Variants in SRPRA observed in about 807,000 individuals in gnomAD.
SRPRA encodes signal recognition particle receptor subunit alpha.
In SRPRA, 30 loss-of-function variants were observed where a neutral mutation model predicts 61.1. The ratio of observed to expected loss-of-function variants is 0.49; its 90% CI spans 0.37 to 0.67. The LOEUF is 0.67. SRPRA is among the 30% of genes least tolerant of loss of function. SRPRA has a pLI of 0.00. For missense variants in SRPRA, 759 were observed against 828.4 expected, an observed-to-expected ratio of 0.92 and a Z score of 1.03; for synonymous variants, 324 against 299.7, an observed-to-expected ratio of 1.08 and a Z score of -0.84.
the SRPRA span, chr11:126,240,884 C>G: frequency 4.3e-6 from 7 of 1,614,180 alleles, no homozygotes; most frequent in Non-Finnish European, 5.9e-6. Context: ...CCCCAAGTTC[C>G]AGCCCTCAAA....
the SRPRA span, among the ~76,000 whole-genome samples, chr11:126,236,788 A>G: frequency 6.9e-6 from 1 of 144,272 alleles, no homozygotes; most frequent in African/African-American, 2.6e-5. Flanking sequence ...CGTTTTCTTA[A>G]ATTTAGCTTT....
At chr11:126,240,606 A>G in the SRPRA span, among the ~76,000 whole-genome samples, 5 of 152,290 alleles carry the variant, frequency 3.3e-5, no homozygotes, top group South Asian at 1.0e-3. Context: ...CTTGTTTTTC[A>G]GCAAGCACTG....
At chr11:126,242,015 A>G in the SRPRA span, among the ~76,000 whole-genome samples, 1 of 109,592 alleles carries the variant, frequency 9.1e-6, no homozygotes, top group Non-Finnish European at 1.8e-5. Flanking sequence ...ACAGAGGAAG[A>G]CTCCGTCTCA....
Position 126,265,967 on chromosome 11 carries a change from G to A in SRPRA, c.1047C>T (p.Leu349=), listed in dbSNP as rs777826301. ...ESVLDKMRDH[L]IAKNVAADIA... ...AGCCCGGTCCTCAGAACTTACCAAT[G>A]AGATGATCACGCATCTTGTCCAGCA... Residue 349 remains leucine, a synonymous_variant, in exon 8 of 14, where the codon CTC becomes CTT. Coordinates refer to ENST00000332118, the MANE Select transcript of SRPRA (RefSeq NM_003139.4). The surrounding 1 kb of genome is among the most constrained non-coding windows in gnomAD (Gnocchi z 6.3). 4 of 1,614,084 alleles carry A rather than the reference G, an allele frequency of 2.5e-6. No individual in the cohort carries two copies. The highest frequency in any genetic ancestry group is 2.2e-5 in the East Asian group (1 of 44,884).
rs758568093 is a variant in SRPRA, at chr11:126,265,729, G to T, written c.1138+8C>A. The T allele has an allele frequency of 6.2e-7, 1 of 1,614,084 alleles. No individual in the cohort carries two copies. Among genetic ancestry groups the T allele is most frequent in the Non-Finnish European group, 8.5e-7 (1 of 1,179,940 alleles). On this transcript the variant is annotated splice_region_variant and intron_variant, in intron 9 of 13. Coordinates refer to ENST00000332118, the MANE Select transcript of SRPRA (RefSeq NM_003139.4). The surrounding 1 kb of genome is among the most constrained non-coding windows in gnomAD (Gnocchi z 6.3). ...CATAAGCACTTTCTCACTTAGGTAAGTACTTACTGCTGAACGTCCCCATCA... is the reference window on the plus strand; with the variant it reads ...CATAAGCACTTTCTCACTTAGGTAATTACTTACTGCTGAACGTCCCCATCA...
In SRPRA at chr11:126,264,314, G is replaced by GT. The variant is rs1950762637; in HGVS notation, c.1690-26dup. 4 of 1,613,476 alleles carry GT rather than the reference G, an allele frequency of 2.5e-6. No homozygotes were observed. Among genetic ancestry groups the GT allele is most frequent in the African/African-American group, 1.3e-5 (1 of 74,906 alleles). On this transcript the variant is annotated intron_variant, in intron 12 of 13. Transcript: ENST00000332118. The surrounding 1 kb of genome is among the most constrained non-coding windows in gnomAD (Gnocchi z 5.0). ...CCTGGAAAGAAAAAGTGATAGAAGT[G>GT]TAAGAACCATCTAAATTGACCAAAG...
At chr11:126,266,421 T>A (rs980302565) in intron 6 of SRPRA, 55 bp downstream of exon 6, 1 of 1,601,118 alleles carries the variant, frequency 6.2e-7, no homozygotes, top group Non-Finnish European at 8.5e-7. Flanking sequence ...GTTCCCACAC[T>A]CTACTTCCTC....
intron 6 of SRPRA, 67 bp from the exon 7 acceptor site, chr11:126,266,345 G>A (rs1304395331): frequency 1.9e-6 from 3 of 1,592,190 alleles, no homozygotes; most frequent in Non-Finnish European, 2.6e-6. Context: ...CGTCCACATT[G>A]CTCTATCTCT....
In SRPRA at chr11:126,265,785, C is replaced by T; in HGVS notation, c.1090G>A (p.Glu364Lys). Residue 364 changes from glutamate (E) to lysine (K), a missense_variant, in exon 9 of 14, where the codon GAA becomes AAA. Glu to Lys is a moderately conservative substitution (Grantham distance 56, BLOSUM62 1). Transcript: ENST00000332118. The surrounding 1 kb of genome is among the most constrained non-coding windows in gnomAD (Gnocchi z 6.3). ...VAADIAVQLC[E>K]SVANKLEGKV... The stretch of plus-strand genomic sequence containing the variant: ...CCTTCCAACTTGTTGGCAACAGATT[C>T]ACAGAGCTGGACGGCAATGTCTGCA... 1 of 1,614,214 alleles carries T rather than the reference C, an allele frequency of 6.2e-7. No homozygotes were observed. The highest frequency in any genetic ancestry group is 1.3e-5 in the African/African-American group (1 of 75,058).
At chr11:126,268,112 T>G (rs752199368) in intron 1 of SRPRA, 26 bp from the exon 2 acceptor site, 1 of 1,609,166 alleles carries the variant, frequency 6.2e-7, no homozygotes, top group African/African-American at 1.3e-5. Flanking sequence ...GTCTCAGTGT[T>G]CAGACTATCC....
rs544689113 is a variant in SRPRA, at chr11:126,267,785, C to T, written c.202-73G>A. 4 of 1,587,626 alleles carry T rather than the reference C, an allele frequency of 2.5e-6. No homozygotes were observed. The South Asian group carries it at 4.5e-5, about 18-fold the overall frequency. On this transcript the variant is annotated intron_variant, in intron 2 of 13. Coordinates refer to ENST00000332118, the MANE Select transcript of SRPRA (RefSeq NM_003139.4). The surrounding 1 kb of genome is among the most constrained non-coding windows in gnomAD (Gnocchi z 4.2). The stretch of plus-strand genomic sequence containing the variant: ...AGAATGGAGGGACGCCAACTCAACC[C>T]TGGCTTTCAGAGATAGGTTCAGCTA...
Position 126,264,183 on chromosome 11 carries a change from A to T in SRPRA, c.1788+8T>A, listed in dbSNP as rs747139184. ...GACGCCCATTCCAGCCTCCAGTCTCACGTTTACCTTGTCATCAATGGTATC... is the reference window on the plus strand; with the variant it reads ...GACGCCCATTCCAGCCTCCAGTCTCTCGTTTACCTTGTCATCAATGGTATC... On this transcript the variant is annotated splice_region_variant and intron_variant, in intron 13 of 13. Transcript: ENST00000332118. The surrounding 1 kb of genome is among the most constrained non-coding windows in gnomAD (Gnocchi z 5.0). 4 of 1,613,876 alleles carry T rather than the reference A, an allele frequency of 2.5e-6. No individual in the cohort carries two copies. The highest frequency in any genetic ancestry group is 3.4e-6 in the Non-Finnish European group (4 of 1,179,850).
the SRPRA span, among the ~76,000 whole-genome samples, chr11:126,248,358 CTTTTTTTTTTTTTTT>C: frequency 8.1e-5 from 3 of 36,964 alleles, no homozygotes; most frequent in East Asian, 1.2e-3. Context: ...TAGTAGTTGA[CTTTTTTTTTTTTTTT>C]TTTTTTTTTT....
downstream of SRPRA, chr11:126,262,049 TATC>T: frequency 6.8e-7 from 1 of 1,478,032 alleles, no homozygotes; most frequent in Non-Finnish European, 9.5e-7. Context: ...TTGACTTAAG[TATC>T]TGCAGCTTCC....
the SRPRA span, among the ~76,000 whole-genome samples, chr11:126,237,680 TAAAAAAAAAAAA>T: frequency 1.2e-5 from 1 of 85,908 alleles, no homozygotes; most frequent in African/African-American, 4.7e-5. Context: ...CTGTCTCTAC[TAAAAAAAAAAAA>T]AAAAAAAAAA....
chr11:126,265,936 T>C lies in SRPRA; in HGVS notation c.1051+27A>G. On this transcript the variant is annotated intron_variant, in intron 8 of 13. Transcript: ENST00000332118. The surrounding 1 kb of genome is among the most constrained non-coding windows in gnomAD (Gnocchi z 6.3). ...CTCAACTACCCCTATCCCGCGAGTA[T>C]GAGTCAGCCCGGTCCTCAGAACTTA... 1 of 1,612,684 alleles carries C rather than the reference T, an allele frequency of 6.2e-7. No individual in the cohort carries two copies. Among genetic ancestry groups the C allele is most frequent in the East Asian group, 2.2e-5 (1 of 44,876 alleles).
chr11:126,254,736 A>T, the SRPRA span, among the ~76,000 whole-genome samples: 1 of 152,304 alleles, frequency 6.6e-6, no homozygotes, highest in East Asian at 1.9e-4. Context: ...TGAGGCAGGA[A>T]GATTAGTTGA....
chr11:126,237,891 G>C, the SRPRA span, among the ~76,000 whole-genome samples: 3 of 148,848 alleles, frequency 2.0e-5, 1 homozygote, highest in Non-Finnish European at 4.5e-5. Context: ...AAAAATATAT[G>C]TGAGGATATC....
chr11:126,259,147 C>T (rs903747093), downstream of SRPRA, among the ~76,000 whole-genome samples: 3 of 152,174 alleles, frequency 2.0e-5, no homozygotes, highest in African/African-American at 7.2e-5. Flanking sequence ...CATTTTGAAA[C>T]GAGTCAACCT....
Sources: gnomAD v4.1 joint callset for allele counts (sites outside exome capture counted in the v4.1 genomes callset) on GRCh38, gnomAD v4.1.1 for gene constraint, Gnocchi (gnomAD v3.1) non-coding constraint, MANE v1.5 for transcripts, NCBI Gene and HGNC (gene_info 2026-07-23, HGNC 2026-07-21) for gene names.